The following IFFO1 variants were observed in gnomAD, a reference collection of about 807,000 sequenced individuals.
IFFO1 encodes the protein non-homologous end joining factor IFFO1.
In IFFO1, 42 loss-of-function variants were observed where a neutral mutation model predicts 59.6. The ratio of observed to expected loss-of-function variants is 0.70; its 90% confidence interval spans 0.55 to 0.91. IFFO1 has a LOEUF of 0.91. IFFO1 is among the 40% of genes least tolerant of loss of function. The pLI, the probability that IFFO1 is intolerant of heterozygous loss-of-function variation, is 0.00. For missense variants in IFFO1, 711 were observed against 793.2 expected (o/e 0.90, Z 1.24); for synonymous variants, 336 against 342.8 (o/e 0.98, Z 0.22).
At position 6,541,710 on chromosome 12, in the gene IFFO1, C is replaced by T; in HGVS notation, c.1480-68G>A. ...TTCACAGCGCCTCTGTTGCCCCCGC[C>T]AGGAGGCCAACACGCCAAGAGCAGT... is the stretch of plus-strand genomic sequence containing the variant. On this transcript the variant is annotated intron_variant, in intron 8 of 9. Coordinates refer to ENST00000619571, the MANE Select transcript of IFFO1 (RefSeq NM_001193457.2). This position sits in a 1 kb window ranked among gnomAD's most constrained non-coding sequence, Gnocchi z 4.8. 1 of 1,597,492 alleles carries T rather than the reference C, an allele frequency of 6.3e-7. No homozygotes were observed. Among genetic ancestry groups the T allele is most frequent in the Non-Finnish European group, 8.5e-7 (1 of 1,171,246 alleles).
intron 1 of IFFO1, among the ~76,000 whole-genome samples, chr12:6,554,176 T>C (rs1165829512): frequency 2.0e-5 from 3 of 152,002 alleles, no homozygotes; most frequent in African/African-American, 7.2e-5. Context: ...CCAGCGGTCA[T>C]TTCCTAGAAC....
intron 8 of IFFO1, among the ~76,000 whole-genome samples, chr12:6,545,621 C>T (rs1353265679): frequency 6.6e-6 from 1 of 151,732 alleles, no homozygotes; most frequent in African/African-American, 2.4e-5. Flanking sequence ...TGGCGTGAAC[C>T]CAGGAGGTGG....
In IFFO1 at chr12:6,555,340, C is replaced by G; in HGVS notation, c.690G>C (p.Gln230His). ...GGATCTCGGGCGTGATGGTGTCGAT[C>G]TGGACGCCCACCCCATCCGGGTGCA... ...SWVHPDGVGV[Q>H]IDTITPEIRA... Residue 230 changes from glutamine (Q) to histidine (H), a missense_variant, in exon 1 of 10, where the codon CAG becomes CAC. Transcript: ENST00000619571. The surrounding 1 kb of genome is among the most constrained non-coding windows in gnomAD (Gnocchi z 8.6). The G allele has an allele frequency of 6.2e-7, 1 of 1,614,192 alleles. No homozygotes were observed. Among genetic ancestry groups the G allele is most frequent in the Non-Finnish European group, 8.5e-7 (1 of 1,180,024 alleles).
intron 8 of IFFO1, among the ~76,000 whole-genome samples, chr12:6,546,650 AT>A (rs368748338): frequency 0.22 from 33,264 of 148,170 alleles, 3,799 homozygotes; most frequent in Admixed American, 0.27. Context: ...CGGCCAGCTA[AT>A]TTTTTTTTTT....
rs1312059591 is a variant in IFFO1 at position 6,541,417 on chromosome 12, A to G, written c.1610+95T>C. 6.7e-7 allele frequency: 1 copy of G among 1,491,056 alleles called. No homozygotes were observed. The highest frequency in any genetic ancestry group is 1.4e-5 in the African/African-American group (1 of 72,690). The allele number at this position is 1,491,056 out of a possible 1,614,324, so 92.4% of individuals were successfully genotyped here. On this transcript the variant is annotated intron_variant, in intron 9 of 9. Transcript: ENST00000619571. This position sits in a 1 kb window ranked among gnomAD's most constrained non-coding sequence, Gnocchi z 4.8. ...AAGGGCAGCCCCACAGCAAGATGTG[A>G]CCCAGTCATTGCCTGAGGGTCTCTG...
intron 8 of IFFO1, among the ~76,000 whole-genome samples, chr12:6,542,693 C>A (rs78739674): frequency 6.6e-6 from 1 of 152,168 alleles, no homozygotes; most frequent in Non-Finnish European, 1.5e-5. Flanking sequence ...GCTTCCCTGG[C>A]AGGCTTGGAT....
intron 9 of IFFO1, 51 bp from the exon 10 acceptor site, chr12:6,540,639 ACGGACGG>A (rs1946665449): frequency 6.9e-7 from 1 of 1,443,370 alleles, no homozygotes; most frequent in South Asian, 1.2e-5. Flanking sequence ...AATCCTGAAG[ACGGACGG>A]CACTCCTCCT....
intron 3 of IFFO1, 135 bp downstream of exon 3, chr12:6,550,560 G>C: frequency 1.6e-6 from 1 of 642,366 alleles, no homozygotes; most frequent in South Asian, 1.9e-5. Flanking sequence ...GGGTGGCTAG[G>C]GGAAAAAGGG....
intron 8 of IFFO1, among the ~76,000 whole-genome samples, chr12:6,545,739 T>C (rs754052346): frequency 1.9e-4 from 29 of 150,620 alleles, no homozygotes; most frequent in Non-Finnish European, 3.7e-4. Context: ...GACCAGGACA[T>C]GAACCCTCCC....
intron 8 of IFFO1, among the ~76,000 whole-genome samples, chr12:6,545,312 A>G (rs1946902146): frequency 6.6e-6 from 1 of 152,252 alleles, no homozygotes; most frequent in African/African-American, 2.4e-5. Flanking sequence ...CCCAAGGTGA[A>G]CCTTGATCTG....
chr12:6,542,457 G>A (rs1473430153), intron 8 of IFFO1, among the ~76,000 whole-genome samples: 1 of 152,222 alleles, frequency 6.6e-6, no homozygotes, highest in Non-Finnish European at 1.5e-5. Context: ...CAAAGGGCAG[G>A]GGCCGCAAGG....
intron 8 of IFFO1, among the ~76,000 whole-genome samples, chr12:6,543,100 G>A (rs1442344529): frequency 6.6e-6 from 1 of 152,188 alleles, no homozygotes; most frequent in African/African-American, 2.4e-5. Context: ...GGAGGAGACA[G>A]AGAGAGGTGA....
chr12:6,555,685 G>A lies in IFFO1; in HGVS notation c.345C>T (p.Gly115=), dbSNP rs775602193. The A allele has an allele frequency of 6.2e-7, 1 of 1,609,978 alleles. No homozygotes were observed. The highest frequency in any genetic ancestry group is 1.1e-5 in the South Asian group (1 of 90,790). The part of the protein sequence containing the change: ...LQQALEEGKQ[G]RRGLGRRDQA... ...GGTCGCGACGACCCAGGCCCCGCCG[G>A]CCCTGCTTACCCTCCTCCAGCGCTT... Residue 115 remains glycine, a synonymous_variant, in exon 1 of 10, where the codon GGC becomes GGT. Transcript: ENST00000619571. This position sits in a 1 kb window ranked among gnomAD's most constrained non-coding sequence, Gnocchi z 8.6.
In IFFO1 at chr12:6,555,870, G is replaced by GCGGCGAGTAGGCAGCAGGGCCGGC; in HGVS notation, c.136_159dup (p.Ala46_Pro53dup). The stretch of plus-strand genomic sequence containing the variant: ...GCAGGCGGGGCCGGGCCCGGCCCGG[G>GCGGCGAGTAGGCAGCAGGGCCGGC]CGGCGAGTAGGCAGCAGGGCCGGCC... On this transcript the variant is annotated inframe_insertion, in exon 1 of 10. Coordinates refer to ENST00000619571, the MANE Select transcript of IFFO1 (RefSeq NM_001193457.2). The surrounding 1 kb of genome is among the most constrained non-coding windows in gnomAD (Gnocchi z 8.6). 6.2e-7 allele frequency: 1 copy of GCGGCGAGTAGGCAGCAGGGCCGGC among 1,605,714 alleles called. No individual in the cohort carries two copies. Among genetic ancestry groups the GCGGCGAGTAGGCAGCAGGGCCGGC allele is most frequent in the Admixed American group, 1.7e-5 (1 of 59,500 alleles).
At position 6,555,961 on chromosome 12, in the gene IFFO1, C is replaced by A; in HGVS notation, c.69G>T (p.Leu23=). 1 of 1,564,786 alleles carries A rather than the reference C, an allele frequency of 6.4e-7. No homozygotes were observed. Among genetic ancestry groups the A allele is most frequent in the Admixed American group, 1.8e-5 (1 of 54,892 alleles). ...AGTGGTCGCCTCCCAGTGAGTCCCC[C>A]AGTGGCCCGGCCAGGCCCTGCTGCT... is the stretch of plus-strand genomic sequence containing the variant. ...QQEQQGLAGP[L]GDSLGGDHFA... Residue 23 remains leucine, a synonymous_variant, in exon 1 of 10, where the codon CTG becomes CTT. Coordinates refer to ENST00000619571, the MANE Select transcript of IFFO1 (RefSeq NM_001193457.2). This position sits in a 1 kb window ranked among gnomAD's most constrained non-coding sequence, Gnocchi z 8.6.
chr12:6,550,267 A>G lies in IFFO1; in HGVS notation c.931-371T>C. 9.4e-6 allele frequency: 3 copies of G among 318,206 alleles called. No individual in the cohort carries two copies. The South Asian group carries it at 1.7e-4, about 18-fold the overall frequency. 19.7% of individuals were successfully genotyped at this position (318,206 alleles called of 1,614,324 possible). A position where few individuals can be genotyped will look rare whatever the true frequency, so the allele number is the denominator to read the frequency against. On this transcript the variant is annotated intron_variant, in intron 3 of 9. Transcript: ENST00000619571. ...TAAGAGTGGAGAAAGGACTATAATA[A>G]TCGCAACAGCTAACACTCTTCCAGC...
At position 6,555,519 on chromosome 12, in the gene IFFO1, C is replaced by A; in HGVS notation, c.511G>T (p.Ala171Ser). ...GTGGAGGACGACGAGAGGCTGGCCGCGGAGGGCGCGAGGGGGCCGGCCGGG... is the reference window on the plus strand; with the variant it reads ...GTGGAGGACGACGAGAGGCTGGCCGAGGAGGGCGCGAGGGGGCCGGCCGGG... ...RSPAGPLAPS[A>S]ASLSSSSTST... The change falls in exon 1 of 10, where the codon GCG becomes TCG. Residue 171 changes from alanine to serine, a missense_variant. By Grantham distance (99) the Ala-to-Ser change is moderately conservative. Transcript: ENST00000619571. This position sits in a 1 kb window ranked among gnomAD's most constrained non-coding sequence, Gnocchi z 8.6. 6.4e-7 allele frequency: 1 copy of A among 1,574,152 alleles called. No individual in the cohort carries two copies. The highest frequency in any genetic ancestry group is 8.6e-7 in the Non-Finnish European group (1 of 1,161,648).
chr12:6,540,714 C>T (rs1276981691), intron 9 of IFFO1, 126 bp from the exon 10 acceptor site: 4 of 810,220 alleles, frequency 4.9e-6, no homozygotes, highest in South Asian at 1.7e-5. Flanking sequence ...GGCGGGGCCG[C>T]GGGATGGCGA....
In IFFO1 at chr12:6,549,439, C is replaced by A; in HGVS notation, c.1080+37G>T. On this transcript the variant is annotated intron_variant, in intron 5 of 9. Coordinates refer to ENST00000619571, the MANE Select transcript of IFFO1 (RefSeq NM_001193457.2). This position sits in a 1 kb window ranked among gnomAD's most constrained non-coding sequence, Gnocchi z 5.0. ...GGCCTAGGCAGCTTAGAAACTGGGACTGGGACATTAATAAGCTTGCGTGAG... is the reference window on the plus strand; with the variant it reads ...GGCCTAGGCAGCTTAGAAACTGGGAATGGGACATTAATAAGCTTGCGTGAG... 6 of 1,613,490 alleles carry A rather than the reference C, an allele frequency of 3.7e-6. No homozygotes were observed. Among genetic ancestry groups the A allele is most frequent in the Non-Finnish European group, 5.1e-6 (6 of 1,179,514 alleles).
Sources: allele counts gnomAD v4.1 joint callset (sites outside exome capture counted in the v4.1 genomes callset), GRCh38; gene constraint gnomAD v4.1.1; non-coding constraint Gnocchi (gnomAD v3.1); transcripts MANE v1.5; gene names NCBI Gene and HGNC (gene_info 2026-07-23, HGNC 2026-07-21).